The following HTT variants were observed in gnomAD, a reference collection of about 807,000 sequenced individuals.
The protein encoded by HTT is huntingtin.
In HTT, 104 loss-of-function variants were observed where a neutral mutation model predicts 362.3. That is an observed-to-expected ratio of 0.29 (90% CI 0.24 to 0.34). The LOEUF is 0.34. Ranked by LOEUF, HTT falls within the 10% of genes least tolerant of loss-of-function variation. HTT has a pLI of 1.00. For missense variants in HTT, 3,301 were observed against 3,928.6 expected, an observed-to-expected ratio of 0.84 and a Z score of 4.27; for synonymous variants, 1,577 against 1,548.7, an observed-to-expected ratio of 1.02 and a Z score of -0.43.
intron 2 of HTT, among the ~76,000 whole-genome samples, chr4:3,090,265 T>G (rs1339148725): frequency 6.6e-6 from 1 of 152,268 alleles, no homozygotes; most frequent in African/African-American, 2.4e-5. Flanking sequence ...TAAAGTGGTC[T>G]AAGTTACTGG....
At chr4:3,139,912 A>C (rs1716257292) in intron 21 of HTT, among the ~76,000 whole-genome samples, 1 of 152,266 alleles carries the variant, frequency 6.6e-6, no homozygotes, top group African/African-American at 2.4e-5. Context: ...TAATTAAAGC[A>C]TTTAATAGTG....
At chr4:3,090,848 A>G (rs1333312164) in intron 2 of HTT, among the ~76,000 whole-genome samples, 1 of 152,260 alleles carries the variant, frequency 6.6e-6, no homozygotes, top group African/African-American at 2.4e-5. Flanking sequence ...GTGGTGGCCC[A>G]TGCCTGTAAT....
chr4:3,112,871 A>G lies in HTT; in HGVS notation c.748-2433A>G, dbSNP rs1163329169. On this transcript the variant is annotated intron_variant, in intron 6 of 66. Transcript: ENST00000355072. The stretch of plus-strand genomic sequence containing the variant: ...CCAGCTCACCCTTTTGCCACTGTGT[A>G]TGGGGATTCCAGGAGCTCTGGTCCT... The G allele has an allele frequency of 2.3e-5, 4 of 172,838 alleles. No homozygotes were observed. The East Asian group carries it at 7.6e-4, about 33-fold the overall frequency. The allele number at this position is 172,838 out of a possible 1,614,324, so 10.7% of individuals were successfully genotyped here.
chr4:3,161,737 T>C (rs1211958612), intron 29 of HTT, among the ~76,000 whole-genome samples: 1 of 152,220 alleles, frequency 6.6e-6, no homozygotes, highest in Non-Finnish European at 1.5e-5. Context: ...GAAGTGTCTG[T>C]TCATATCCTT....
chr4:3,203,883 A>G (rs987908316), intron 41 of HTT, 124 bp from the exon 42 acceptor site: 18 of 858,686 alleles, frequency 2.1e-5, no homozygotes, highest in Non-Finnish European at 3.3e-5. Context: ...ACATTCTGAT[A>G]TGGCAATATT....
At chr4:3,198,800 C>T (rs904718006) in intron 40 of HTT, among the ~76,000 whole-genome samples, 11 of 152,196 alleles carry the variant, frequency 7.2e-5, no homozygotes, top group African/African-American at 2.7e-4. Flanking sequence ...TGCTGAGGTG[C>T]CAGCATTGTG....
At chr4:3,146,099 C>T (rs549314894) in intron 24 of HTT, among the ~76,000 whole-genome samples, 2 of 152,302 alleles carry the variant, frequency 1.3e-5, no homozygotes, top group East Asian at 3.9e-4. Context: ...CCATAATCCT[C>T]GTTTCTGCAT....
chr4:3,092,927 A>T (rs991067690), intron 2 of HTT, among the ~76,000 whole-genome samples: 4 of 152,212 alleles, frequency 2.6e-5, no homozygotes, highest in Admixed American at 6.5e-5. Context: ...CAATTTCCTT[A>T]CATTACTGCC....
In HTT at chr4:3,131,622, G is replaced by A; in HGVS notation, c.2099-16G>A. On this transcript the variant is annotated splice_polypyrimidine_tract_variant and intron_variant, in intron 15 of 66. Transcript: ENST00000355072. ...GTTGTTTGAGGCTGAAGGTGGCTTG[G>A]GTGATTTCTTGGCAGTGCTGGTTCC... is the stretch of plus-strand genomic sequence containing the variant. 1 of 1,610,278 alleles carries A rather than the reference G, an allele frequency of 6.2e-7. No individual in the cohort carries two copies. The highest frequency in any genetic ancestry group is 2.2e-5 in the East Asian group (1 of 44,778).
Position 3,131,373 on chromosome 4 carries a change from T to A in HTT, c.2074T>A (p.Phe692Ile). The A allele has an allele frequency of 6.2e-7, 1 of 1,613,786 alleles. No individual in the cohort carries two copies. Among genetic ancestry groups the A allele is most frequent in the Non-Finnish European group, 8.5e-7 (1 of 1,179,724 alleles). ...VHCVRLLSAS[F>I]LLTGGKNVLV... ...TTGTGTCCGCCTTTTATCTGCTTCG[T>A]TTTTGCTAACAGGGGGAAAAAATGG... The change falls in exon 15 of 67, where the codon TTT becomes ATT. Residue 692 changes from phenylalanine (F) to isoleucine (I), a missense_variant. Physicochemically the swap from Phe to Ile is conservative, Grantham distance 21. This residue lies in a region of HTT where 2,316 missense variants were observed against 2,658.5 expected (regional missense o/e 0.87). Coordinates refer to ENST00000355072, the MANE Select transcript of HTT (RefSeq NM_001388492.1).
At chr4:3,154,488 G>A (rs1190905824) in intron 27 of HTT, 69 bp downstream of exon 27, 1 of 1,564,578 alleles carries the variant, frequency 6.4e-7, no homozygotes, top group African/African-American at 1.4e-5. Context: ...TAGGATTTAA[G>A]TAACTTGGTG....
chr4:3,162,479 T>TG (rs1717492120), intron 29 of HTT, among the ~76,000 whole-genome samples: 1 of 152,190 alleles, frequency 6.6e-6, no homozygotes. Flanking sequence ...GATAGCTTGA[T>TG]GGGGGGATAG....
In HTT at chr4:3,218,123, C is replaced by G. The variant is rs190763619; in HGVS notation, c.7242+171C>G. Among the ~76,000 whole-genome samples, 9 of 152,332 alleles carry G rather than the reference C, an allele frequency of 5.9e-5. No individual in the cohort carries two copies. Among genetic ancestry groups the G allele is most frequent in the Non-Finnish European group, 1.3e-4 (9 of 68,032 alleles). On this transcript the variant is annotated intron_variant, in intron 52 of 66. Coordinates refer to ENST00000355072, the MANE Select transcript of HTT (RefSeq NM_001388492.1). This position sits in a 1 kb window ranked among gnomAD's most constrained non-coding sequence, Gnocchi z 4.4. ...GCCAGGCTGCTTTCCTCAGGCACCA[C>G]GTGTGGAGGTCGCTAGTAGAAATAC... is the stretch of plus-strand genomic sequence containing the variant.
At chr4:3,136,451 C>A in intron 21 of HTT, 125 bp downstream of exon 21, 1 of 465,400 alleles carries the variant, frequency 2.1e-6, no homozygotes. Context: ...TCATTTCAGC[C>A]ATTCTATTCT....
chr4:3,094,520 ACGGGGCGGCGG>A (rs1713716002), intron 2 of HTT, among the ~76,000 whole-genome samples: 1 of 144,430 alleles, frequency 6.9e-6, no homozygotes, highest in African/African-American at 2.6e-5. Flanking sequence ...AACCTCCCAG[ACGGGGCGGCGG>A]CTGGGCGGGG....
intron 29 of HTT, among the ~76,000 whole-genome samples, chr4:3,170,177 C>G (rs1717906523): frequency 6.6e-6 from 1 of 151,980 alleles, no homozygotes; most frequent in South Asian, 2.1e-4. Context: ...TTTTGTGTTC[C>G]CATAGATCTT....
chr4:3,163,513 C>G (rs190838009), intron 29 of HTT, among the ~76,000 whole-genome samples: 14 of 152,332 alleles, frequency 9.2e-5, no homozygotes. Context: ...ACCATCTCCT[C>G]TTTGTACCTC....
rs1399010605 is a variant in HTT at position 3,241,430 on chromosome 4, G to A, written c.*1371G>A. Reference sequence around the variant, plus strand: ...GAGGAGCCAAGTCATTAAAATGGAAGTGGATTCTGGATGGCCGGGCTGCTG... The same window carrying A: ...GAGGAGCCAAGTCATTAAAATGGAAATGGATTCTGGATGGCCGGGCTGCTG... On this transcript the variant is annotated 3_prime_UTR_variant, in exon 67 of 67. Coordinates refer to ENST00000355072, the MANE Select transcript of HTT (RefSeq NM_001388492.1). 2.0e-5 allele frequency: 3 copies of A among 152,396 alleles called. No homozygotes were observed. The highest frequency in any genetic ancestry group is 4.8e-5 in the African/African-American group (2 of 41,474). The allele number at this position is 152,396 out of a possible 1,614,324, so 9.4% of individuals were successfully genotyped here.
At chr4:3,078,724 A>G (rs1183134636) in intron 1 of HTT, among the ~76,000 whole-genome samples, 3 of 150,006 alleles carry the variant, frequency 2.0e-5, no homozygotes, top group Non-Finnish European at 4.4e-5. Context: ...ATGCACTGCC[A>G]TGCCTGGGTA....
Sources: gnomAD v4.1 joint callset for allele counts (sites outside exome capture counted in the v4.1 genomes callset) on GRCh38, gnomAD v4.1.1 for gene constraint, gnomAD v4.1.1 regional missense constraint, Gnocchi (gnomAD v3.1) non-coding constraint, MANE v1.5 for transcripts, NCBI Gene and HGNC (gene_info 2026-07-23, HGNC 2026-07-21) for gene names.